The following ZNF503 variants were observed in gnomAD, a reference collection of about 807,000 sequenced individuals.
ZNF503 encodes NocA-like zinc finger 2.
Under a neutral mutation model 34.4 loss-of-function variants are expected in ZNF503, and 15 were observed. That is an observed-to-expected ratio of 0.44 (90% CI 0.29 to 0.67). The LOEUF (loss-of-function observed/expected upper bound fraction) is 0.67, where lower values mean the gene tolerates loss of function less well. Ranked by LOEUF, ZNF503 falls within the 30% of genes least tolerant of loss-of-function variation. The pLI is 0.13. For missense variants in ZNF503, 1,007 were observed against 926.8 expected, an observed-to-expected ratio of 1.09 and a Z score of -1.12; for synonymous variants, 580 against 456.8, an observed-to-expected ratio of 1.27 and a Z score of -3.44.
chr10:75,362,750 A>G, the ZNF503 span, among the ~76,000 whole-genome samples: 2 of 152,154 alleles, frequency 1.3e-5, no homozygotes, highest in East Asian at 1.9e-4. Flanking sequence ...TCACTCAGCT[A>G]ATAGTTGTGC....
chr10:75,323,012 C>G, the ZNF503 span, among the ~76,000 whole-genome samples: 1 of 152,212 alleles, frequency 6.6e-6, no homozygotes, highest in Non-Finnish European at 1.5e-5. Flanking sequence ...ACCTCCACCA[C>G]CAGTCTTGAC....
the ZNF503 span, among the ~76,000 whole-genome samples, chr10:75,349,936 A>G: frequency 1.3e-5 from 2 of 152,224 alleles, no homozygotes; most frequent in South Asian, 2.1e-4. Flanking sequence ...CCTGCTGCCA[A>G]CCCACTGAAT....
chr10:75,287,148 T>C, the ZNF503 span, among the ~76,000 whole-genome samples: 1 of 152,084 alleles, frequency 6.6e-6, no homozygotes, highest in Non-Finnish European at 1.5e-5. Context: ...CTCTGCATGG[T>C]CAGCTTCTGA....
chr10:75,349,021 G>T, the ZNF503 span, among the ~76,000 whole-genome samples: 1 of 150,250 alleles, frequency 6.7e-6, no homozygotes, highest in Non-Finnish European at 1.5e-5. Flanking sequence ...CACATTTTTT[G>T]AATCATTTGT....
chr10:75,329,329 T>G, the ZNF503 span, among the ~76,000 whole-genome samples: 1 of 152,078 alleles, frequency 6.6e-6, no homozygotes, highest in Admixed American at 6.5e-5. Context: ...TCAGGGTTTT[T>G]TTTTCTTTTT....
At chr10:75,318,583 C>T in the ZNF503 span, among the ~76,000 whole-genome samples, 1 of 149,388 alleles carries the variant, frequency 6.7e-6, no homozygotes, top group Non-Finnish European at 1.5e-5. Flanking sequence ...GCAGGAGGAT[C>T]GATTGAGCCT....
chr10:75,400,584 C>G, intron 1 of ZNF503, among the ~76,000 whole-genome samples: 1 of 152,178 alleles, frequency 6.6e-6, no homozygotes, highest in Non-Finnish European at 1.5e-5. Flanking sequence ...GCTCCCCCCG[C>G]CCAACCACCA....
the ZNF503 span, chr10:75,295,811 T>C: frequency 6.6e-6 from 1 of 152,248 alleles, no homozygotes; most frequent in East Asian, 1.9e-4. The surrounding 1 kb of genome is among the most constrained non-coding windows in gnomAD (Gnocchi z 4.0). Flanking sequence ...TTTATACTAA[T>C]GTAGAACATT....
At chr10:75,337,848 T>G in the ZNF503 span, among the ~76,000 whole-genome samples, 1 of 152,214 alleles carries the variant, frequency 6.6e-6, no homozygotes, top group East Asian at 1.9e-4. Flanking sequence ...TTCTTTGGAT[T>G]GGAACACCAA....
chr10:75,314,446 C>T, the ZNF503 span, among the ~76,000 whole-genome samples: 1 of 151,860 alleles, frequency 6.6e-6, no homozygotes, highest in Admixed American at 6.6e-5. Context: ...GATCAAGCAG[C>T]ATAAATAAAT....
In ZNF503 at chr10:75,398,836, C is replaced by G. The variant is rs1843739304; in HGVS notation, c.1854G>C (p.Pro618=). 2 of 1,500,510 alleles carry G rather than the reference C, an allele frequency of 1.3e-6. No individual in the cohort carries two copies. Among genetic ancestry groups the G allele is most frequent in the African/African-American group, 1.4e-5 (1 of 71,110 alleles). 92.9% of individuals were successfully genotyped at this position (1,500,510 alleles called of 1,614,324 possible). ...AGTACGGTCCGGTGGCGGCGGGCAC[C>G]GGCACGGGGGCGCCAGGCGTGGGAA... ...SPLPTPGAPV[P]VPAATGPYYS... Residue 618 remains proline, a synonymous_variant, in exon 2 of 2, where the codon CCG becomes CCC. Coordinates refer to ENST00000372524, the MANE Select transcript of ZNF503 (RefSeq NM_032772.6).
the ZNF503 span, among the ~76,000 whole-genome samples, chr10:75,349,695 C>T: frequency 5.3e-5 from 8 of 152,338 alleles, no homozygotes; most frequent in Admixed American, 2.0e-4. Context: ...CTGCCAGTGA[C>T]GGCTGGTACC....
At chr10:75,354,502 C>T in the ZNF503 span, among the ~76,000 whole-genome samples, 1 of 151,904 alleles carries the variant, frequency 6.6e-6, no homozygotes, top group East Asian at 1.9e-4. Flanking sequence ...TGCTTGAGGC[C>T]AGGAGTCCAA....
Position 75,399,751 on chromosome 10 carries a change from ACCG to A in ZNF503, c.936_938del (p.Gly313del). 2 of 1,592,986 alleles carry A rather than the reference ACCG, an allele frequency of 1.3e-6. No homozygotes were observed. The highest frequency in any genetic ancestry group is 2.2e-5 in the South Asian group (2 of 89,678). On this transcript the variant is annotated inframe_deletion, in exon 2 of 2. Coordinates refer to ENST00000372524, the MANE Select transcript of ZNF503 (RefSeq NM_032772.6). ...CGGAGCCGGAGCTGGAGCCCGATGA[ACCG>A]CCGCAGTCCGAGCCCAGAGCCTTGC...
chr10:75,390,450 T>C, the ZNF503 span, among the ~76,000 whole-genome samples: 17,563 of 144,724 alleles, frequency 0.12, 2,712 homozygotes, highest in African/African-American at 0.37. Context: ...CCTCCCCCTC[T>C]TCCTCCTTCT....
chr10:75,350,289 G>A, the ZNF503 span: 1 of 152,108 alleles, frequency 6.6e-6, no homozygotes, highest in Admixed American at 6.5e-5. Flanking sequence ...AGATAAGTAG[G>A]GTCTATATAA....
chr10:75,391,839 A>C, the ZNF503 span, among the ~76,000 whole-genome samples: 1,426 of 151,600 alleles, frequency 9.4e-3, 67 homozygotes, highest in Admixed American at 0.088. Context: ...ACTATGTTCC[A>C]GGTACCGTGC....
chr10:75,286,739 T>G, the ZNF503 span, among the ~76,000 whole-genome samples: 13 of 152,154 alleles, frequency 8.5e-5, no homozygotes, highest in Non-Finnish European at 1.8e-4. Flanking sequence ...TCTCTTCTTT[T>G]GGGGGAAAGG....
In ZNF503 at chr10:75,399,413, A is replaced by G. The variant is rs1481839498; in HGVS notation, c.1277T>C (p.Leu426Ser). 1 of 1,604,454 alleles carries G rather than the reference A, an allele frequency of 6.2e-7. No homozygotes were observed. Among genetic ancestry groups the G allele is most frequent in the South Asian group, 1.1e-5 (1 of 90,658 alleles). The change falls in exon 2 of 2, where the codon TTG (leucine) becomes TCG (serine). Residue 426 changes from leucine (L) to serine (S), a missense_variant. By Grantham distance (145) the Leu-to-Ser change is moderately radical. Transcript: ENST00000372524. The part of the protein sequence containing the change: ...ASPPSVMTAS[L>S]CRDPYCLSYH... ...GCTGAGGCAGTAAGGGTCCCGGCAC[A>G]AACTGGCTGTCATCACGGACGGCGG...
Sources: allele counts gnomAD v4.1 joint callset (sites outside exome capture counted in the v4.1 genomes callset), GRCh38; gene constraint gnomAD v4.1.1; non-coding constraint Gnocchi (gnomAD v3.1); transcripts MANE v1.5; gene names NCBI Gene and HGNC (gene_info 2026-07-23, HGNC 2026-07-21).